Variants in ATP1A2 observed in about 807,000 individuals in gnomAD.
ATP1A2 encodes the protein ATPase Na+/K+ transporting subunit alpha 2, also known as sodium/potassium-transporting ATPase subunit alpha-2.
In ATP1A2, 56 loss-of-function variants were observed where a neutral mutation model predicts 113.1. The observed-to-expected ratio is 0.49, with a 90% CI of 0.40 to 0.62. ATP1A2 has a LOEUF of 0.62. Among genes scored for constraint, ATP1A2 ranks in the 20% least tolerant of loss-of-function variants. The pLI, the probability that ATP1A2 is intolerant of heterozygous loss-of-function variation, is 0.00. For synonymous variants in ATP1A2, 490 were observed against 526.8 expected, an observed-to-expected ratio of 0.93 and a Z score of 0.96; for missense variants, 712 against 1,357.8, an observed-to-expected ratio of 0.52 and a Z score of 7.47.
In ATP1A2 at chr1:160,129,108, C is replaced by T. The variant is rs373294271; in HGVS notation, c.1326+19C>T. On this transcript the variant is annotated intron_variant, in intron 10 of 22. Coordinates refer to ENST00000361216, the MANE Select transcript of ATP1A2 (RefSeq NM_000702.4). ...GTCTAAGGTAGGGGGTCAGGACACA[C>T]ACCAGGTATGTTTTGGGGGTGTCTC... 2.5e-6 allele frequency: 4 copies of T among 1,601,748 alleles called. No homozygotes were observed. The South Asian group carries it at 4.4e-5, about 18-fold the overall frequency.
At chr1:160,139,343 G>A (rs148135201) in intron 20 of ATP1A2, among the ~76,000 whole-genome samples, 1 of 152,060 alleles carries the variant, frequency 6.6e-6, no homozygotes, top group African/African-American at 2.4e-5. Flanking sequence ...CATGAGACAG[G>A]CCCCATGTTG....
intron 19 of ATP1A2, 85 bp from the exon 20 acceptor site, chr1:160,136,816 G>A (rs1651968486): frequency 6.2e-7 from 1 of 1,614,100 alleles, no homozygotes; most frequent in East Asian, 2.2e-5. Context: ...CTGGGGCTAG[G>A]GGTGGATCAG....
chr1:160,139,808 G>A, intron 21 of ATP1A2, 67 bp downstream of exon 21: 4 of 1,611,622 alleles, frequency 2.5e-6, no homozygotes, highest in Non-Finnish European at 3.4e-6. Context: ...CAGGATCCAA[G>A]TTCTGATCGC....
intron 8 of ATP1A2, 76 bp from the exon 9 acceptor site, chr1:160,128,576 G>GC: frequency 6.2e-7 from 1 of 1,604,600 alleles, no homozygotes. Flanking sequence ...GAGGAATGGA[G>GC]CCACGGTCTA....
At position 160,135,296 on chromosome 1, in the gene ATP1A2, G is replaced by T; in HGVS notation, c.2115+1G>T. Reference sequence around the variant, plus strand: ...CATTGTGGAGGGATGTCAGAGGCAGGTGAGCACAGCCACGGGAGGCAGATG... The same window carrying T: ...CATTGTGGAGGGATGTCAGAGGCAGTTGAGCACAGCCACGGGAGGCAGATG... On this transcript the variant is annotated splice_donor_variant, in intron 15 of 22. Transcript: ENST00000361216. LOFTEE classifies it high-confidence loss of function. This position sits in a 1 kb window ranked among gnomAD's most constrained non-coding sequence, Gnocchi z 6.3. 6.2e-7 allele frequency: 1 copy of T among 1,614,190 alleles called. No individual in the cohort carries two copies. Among genetic ancestry groups the T allele is most frequent in the African/African-American group, 1.3e-5 (1 of 75,050 alleles).
In ATP1A2 at chr1:160,130,568, G is replaced by A; in HGVS notation, c.1798G>A (p.Val600Met). 6.2e-7 allele frequency: 1 copy of A among 1,614,214 alleles called. No homozygotes were observed. The highest frequency in any genetic ancestry group is 1.1e-5 in the South Asian group (1 of 91,082). ...TCCCCGGGCTGCTGTGCCAGATGCT[G>A]TGGGCAAGTGCCGAAGCGCAGGCAT... is the stretch of plus-strand genomic sequence containing the variant. The part of the protein sequence containing the change: ...DPPRAAVPDA[V>M]GKCRSAGIKV... The change falls in exon 13 of 23, where the codon GTG becomes ATG. Residue 600 changes from valine to methionine, a missense_variant. By Grantham distance (21) the Val-to-Met change is conservative (BLOSUM62 1). Around this residue, in one of 6 missense-constraint regions of ATP1A2, gnomAD observed 263 missense variants for 380.6 expected, o/e 0.69. Transcript: ENST00000361216.
rs146357011 is a variant in ATP1A2 at position 160,134,214 on chromosome 1, TCACA to T, written c.1828-261_1828-258del. Among the ~76,000 whole-genome samples the T allele has an allele frequency of 0.5, 45,140 of 89,512 alleles. 8,179 individuals carry two copies. The highest frequency in any genetic ancestry group is 0.53 in the Non-Finnish European group (24,764 of 46,550). The allele number at this position is 89,512 out of a possible 152,430, so 58.7% of individuals were successfully genotyped here. A position where few individuals can be genotyped will look rare whatever the true frequency, so the allele number is the denominator to read the frequency against. On this transcript the variant is annotated intron_variant, in intron 13 of 22. Coordinates refer to ENST00000361216, the MANE Select transcript of ATP1A2 (RefSeq NM_000702.4). ...ACACACACACACAATCCCCACCCCC[TCACA>T]CACACACAATCCCCACCCACACACA...
At chr1:160,128,875 G>A in intron 9 of ATP1A2, 25 bp downstream of exon 9, 2 of 1,613,868 alleles carry the variant, frequency 1.2e-6, no homozygotes, top group Non-Finnish European at 8.5e-7. Flanking sequence ...CAGAGGGGGT[G>A]GATAGGATTA....
At chr1:160,119,123 G>A (rs1263348949) in intron 1 of ATP1A2, among the ~76,000 whole-genome samples, 1 of 151,858 alleles carries the variant, frequency 6.6e-6, no homozygotes, top group Non-Finnish European at 1.5e-5. Context: ...GTGAGGCTGT[G>A]CATGTGTGGG....
In ATP1A2 at chr1:160,136,322, G is replaced by A; in HGVS notation, c.2515G>A (p.Asp839Asn). 1 of 1,614,170 alleles carries A rather than the reference G, an allele frequency of 6.2e-7. No individual in the cohort carries two copies. Among genetic ancestry groups the A allele is most frequent in the Non-Finnish European group, 8.5e-7 (1 of 1,180,036 alleles). ...MKRQPRNSQTDKLVNERLISM... is the reference protein window; with the variant it reads ...MKRQPRNSQTNKLVNERLISM... ...GCGGCAGCCACGAAACTCCCAGACGGACAAGCTGGTGAATGAGAGGCTCAT... is the reference window on the plus strand; with the variant it reads ...GCGGCAGCCACGAAACTCCCAGACGAACAAGCTGGTGAATGAGAGGCTCAT... Residue 839 changes from aspartate to asparagine, a missense_variant, in exon 18 of 23, where the codon GAC (aspartate) becomes AAC (asparagine). Coordinates refer to ENST00000361216, the MANE Select transcript of ATP1A2 (RefSeq NM_000702.4).
Position 160,129,092 on chromosome 1 carries a change from AG to A in ATP1A2, c.1326+8del, listed in dbSNP as rs763762298. The A allele has an allele frequency of 2.9e-5, 46 of 1,612,740 alleles. No individual in the cohort carries two copies. Among genetic ancestry groups the A allele is most frequent in the Non-Finnish European group, 2.5e-6 (3 of 1,179,728 alleles). On this transcript the variant is annotated splice_donor_region_variant and intron_variant, in intron 10 of 22. Coordinates refer to ENST00000361216, the MANE Select transcript of ATP1A2 (RefSeq NM_000702.4). ...AGGAGAACATCTCCGTGTCTAAGGTAGGGGGTCAGGACACACACCAGGTATG... is the reference window on the plus strand; with the variant it reads ...AGGAGAACATCTCCGTGTCTAAGGTAGGGGTCAGGACACACACCAGGTATG...
intron 3 of ATP1A2, 39 bp downstream of exon 3, chr1:160,121,290 A>G (rs1651390180): frequency 6.2e-7 from 1 of 1,608,644 alleles, no homozygotes; most frequent in Non-Finnish European, 8.5e-7. Context: ...CAAAAGAGGC[A>G]AGAAAACCAT....
intron 7 of ATP1A2, among the ~76,000 whole-genome samples, chr1:160,126,233 C>T (rs566388295): frequency 2.8e-4 from 42 of 152,224 alleles, no homozygotes; most frequent in African/African-American, 5.5e-4. Context: ...ATATAATCTG[C>T]GCACATCCTC....
chr1:160,138,816 T>G (rs1652037780), intron 20 of ATP1A2, among the ~76,000 whole-genome samples: 1 of 148,936 alleles, frequency 6.7e-6, no homozygotes, highest in Non-Finnish European at 1.5e-5. Context: ...GGCAACAGAG[T>G]GAGACTCTGT....
At position 160,128,868 on chromosome 1, in the gene ATP1A2, A is replaced by G. The variant is rs1387684487; in HGVS notation, c.1216+18A>G. On this transcript the variant is annotated intron_variant, in intron 9 of 22. Coordinates refer to ENST00000361216, the MANE Select transcript of ATP1A2 (RefSeq NM_000702.4). Reference sequence around the variant, plus strand: ...TCAGTCTGGTGATTGGGTGCTCCAGAGGGGGTGGATAGGATTAGAGGAGGC... The same window carrying G: ...TCAGTCTGGTGATTGGGTGCTCCAGGGGGGGTGGATAGGATTAGAGGAGGC... The G allele has an allele frequency of 6.2e-7, 1 of 1,613,752 alleles. No homozygotes were observed. The highest frequency in any genetic ancestry group is 1.3e-5 in the African/African-American group (1 of 74,824).
chr1:160,128,609 G>A (rs778058443), intron 8 of ATP1A2, 43 bp from the exon 9 acceptor site: 11 of 1,613,916 alleles, frequency 6.8e-6, no homozygotes, highest in Middle Eastern at 1.6e-4. Flanking sequence ...GGCCATCTCC[G>A]GCTTCAGCCT....
chr1:160,128,871 G>C, intron 9 of ATP1A2, 21 bp downstream of exon 9: 1 of 1,613,964 alleles, frequency 6.2e-7, no homozygotes, highest in Non-Finnish European at 8.5e-7. Context: ...GCTCCAGAGG[G>C]GGTGGATAGG....
At position 160,124,347 on chromosome 1, in the gene ATP1A2, G is replaced by T; in HGVS notation, c.547G>T (p.Val183Leu). The stretch of plus-strand genomic sequence containing the variant: ...GAAGATGCAGATCAACGCAGAGGAA[G>T]TGGTGGTGGGAGACCTGGTGGAGGT... ...GEKMQINAEEVVVGDLVEVKG... is the reference protein window; with the variant it reads ...GEKMQINAEELVVGDLVEVKG... Residue 183 changes from valine (V) to leucine (L), a missense_variant, in exon 6 of 23, where the codon GTG becomes TTG. By Grantham distance (32) the Val-to-Leu change is conservative. Coordinates refer to ENST00000361216, the MANE Select transcript of ATP1A2 (RefSeq NM_000702.4). 6.2e-7 allele frequency: 1 copy of T among 1,612,550 alleles called. No homozygotes were observed. Among genetic ancestry groups the T allele is most frequent in the Non-Finnish European group, 8.5e-7 (1 of 1,179,414 alleles).
Position 160,135,038 on chromosome 1 carries a change from G to A in ATP1A2, c.1965-107G>A. Reference sequence around the variant, plus strand: ...GAGAACTGAAGCAACAGGGGAAGCAGGCTCAGCAGGGAGCCTGCAGGCTGC... The same window carrying A: ...GAGAACTGAAGCAACAGGGGAAGCAAGCTCAGCAGGGAGCCTGCAGGCTGC... On this transcript the variant is annotated intron_variant, in intron 14 of 22. Coordinates refer to ENST00000361216, the MANE Select transcript of ATP1A2 (RefSeq NM_000702.4). This position sits in a 1 kb window ranked among gnomAD's most constrained non-coding sequence, Gnocchi z 6.3. 1.4e-6 allele frequency: 2 copies of A among 1,451,498 alleles called. No individual in the cohort carries two copies. The highest frequency in any genetic ancestry group is 9.6e-7 in the Non-Finnish European group (1 of 1,045,682). The allele number at this position is 1,451,498 out of a possible 1,614,324, so 89.9% of individuals were successfully genotyped here.
Sources: gnomAD v4.1 joint callset for allele counts (sites outside exome capture counted in the v4.1 genomes callset) on GRCh38, gnomAD v4.1.1 for gene constraint, gnomAD v4.1.1 regional missense constraint, Gnocchi (gnomAD v3.1) non-coding constraint, MANE v1.5 for transcripts, NCBI Gene and HGNC (gene_info 2026-07-23, HGNC 2026-07-21) for gene names.